The following FAM120B variants were observed in gnomAD, a reference collection of about 807,000 sequenced individuals.
The protein encoded by FAM120B is constitutive coactivator of peroxisome proliferator-activated receptor gamma.
FAM120B carries 83 observed loss-of-function variants against 96.3 expected under a neutral mutation model. The observed-to-expected ratio is 0.86, with a 90% CI of 0.72 to 1.03. The LOEUF is 1.03. FAM120B is among the 50% of genes least tolerant of loss of function. The pLI, the probability that FAM120B is intolerant of heterozygous loss-of-function variation, is 0.00. For synonymous variants in FAM120B, 407 were observed against 402.7 expected (o/e 1.01, Z -0.13); for missense variants, 1,027 against 1,121.2 (o/e 0.92, Z 1.20).
intron 4 of FAM120B, among the ~76,000 whole-genome samples, chr6:170,343,081 C>CGG (rs1786944221): frequency 6.6e-6 from 1 of 152,190 alleles, no homozygotes; most frequent in Admixed American, 6.5e-5. Context: ...AGTTATCACA[C>CGG]CTGAGTTAGC....
At chr6:170,396,983 G>A (rs373889187) in intron 9 of FAM120B, among the ~76,000 whole-genome samples, 2 of 152,246 alleles carry the variant, frequency 1.3e-5, no homozygotes, top group African/African-American at 2.4e-5. Context: ...TGGCTTTCCA[G>A]TTAGCTTCTC....
Position 170,318,223 on chromosome 6 carries a change from A to G in FAM120B, c.833A>G (p.Tyr278Cys). Reference sequence around the variant, plus strand: ...CATATATCGAAAGTTCTTTACTTGTATCAAGGTGAGAAAAAATTAGAAGAG... The same window carrying G: ...CATATATCGAAAGTTCTTTACTTGTGTCAAGGTGAGAAAAAATTAGAAGAG... ...SDHISKVLYL[Y>C]QGEKKLEEIL... The change falls in exon 2 of 11, where the codon TAT becomes TGT. Residue 278 changes from tyrosine to cysteine, a missense_variant. Tyr to Cys is a radical substitution (Grantham distance 194). This residue lies in a region of FAM120B where 880 missense variants were observed against 980.9 expected (regional missense o/e 0.90). Transcript: ENST00000476287. 6.2e-7 allele frequency: 1 copy of G among 1,613,790 alleles called. No homozygotes were observed. The highest frequency in any genetic ancestry group is 1.1e-5 in the South Asian group (1 of 91,004).
At chr6:170,303,933 A>C (rs550267837), upstream of FAM120B, among the ~76,000 whole-genome samples, 1 of 152,240 alleles carries the variant, frequency 6.6e-6, no homozygotes, top group Non-Finnish European at 1.5e-5. Flanking sequence ...ATATTCATCC[A>C]TAACAGGCAT....
At chr6:170,397,763 G>C (rs958646639) in intron 9 of FAM120B, among the ~76,000 whole-genome samples, 1 of 152,178 alleles carries the variant, frequency 6.6e-6, no homozygotes, top group Non-Finnish European at 1.5e-5. Flanking sequence ...TCCGTGACCA[G>C]CCTGGCCGTA....
intron 8 of FAM120B, among the ~76,000 whole-genome samples, chr6:170,393,821 G>C (rs1462453887): frequency 6.6e-6 from 1 of 152,162 alleles, no homozygotes; most frequent in East Asian, 1.9e-4. Flanking sequence ...TCCTGTGTTG[G>C]GGAAGGGCTG....
chr6:170,313,181 A>G (rs931039914), intron 1 of FAM120B, among the ~76,000 whole-genome samples: 3 of 152,232 alleles, frequency 2.0e-5, no homozygotes, highest in African/African-American at 7.2e-5. Flanking sequence ...ATTCATAAAT[A>G]ATAAACCTTC....
In FAM120B at chr6:170,388,292, T is replaced by A. The variant is rs747637344; in HGVS notation, c.2289T>A (p.Asp763Glu). The change falls in exon 7 of 11, where the codon GAT becomes GAA. Residue 763 changes from aspartate to glutamate, a missense_variant. By Grantham distance (45) the Asp-to-Glu change is conservative. Around this residue, in one of 3 missense-constraint regions of FAM120B, gnomAD observed 880 missense variants for 980.9 expected, o/e 0.90. Transcript: ENST00000476287. ...GTGTGTTCTGGTCTCCACAGCCTGA[T>A]TACATCAACCCCAGAGCCGTGCAGC... ...STSQLVNLQPDYINPRAVQLG... is the reference protein window; with the variant it reads ...STSQLVNLQPEYINPRAVQLG... 1.9e-5 allele frequency: 31 copies of A among 1,613,598 alleles called. No individual in the cohort carries two copies. Among genetic ancestry groups the A allele is most frequent in the Non-Finnish European group, 2.5e-5 (29 of 1,179,990 alleles).
intron 4 of FAM120B, among the ~76,000 whole-genome samples, chr6:170,334,249 G>T (rs774026567): frequency 3.9e-5 from 6 of 152,094 alleles, no homozygotes; most frequent in Non-Finnish European, 8.8e-5. Flanking sequence ...TTTTAAAGTG[G>T]TGTTCAACAA....
chr6:170,337,546 A>T (rs1786522919), intron 4 of FAM120B, among the ~76,000 whole-genome samples: 1 of 152,202 alleles, frequency 6.6e-6, no homozygotes, highest in Non-Finnish European at 1.5e-5. Flanking sequence ...TGACCTCATA[A>T]AATGAGTTAG....
intron 4 of FAM120B, among the ~76,000 whole-genome samples, chr6:170,337,966 C>A (rs1786552117): frequency 6.7e-6 from 1 of 150,198 alleles, no homozygotes; most frequent in African/African-American, 2.4e-5. Flanking sequence ...TTAATCTTTT[C>A]AAAAAAAAAC....
chr6:170,319,177 G>GGATTT, intron 2 of FAM120B, 53 bp downstream of exon 2: 1 of 1,479,196 alleles, frequency 6.8e-7, no homozygotes, highest in Admixed American at 2.2e-5. Flanking sequence ...ATCCGCTGAT[G>GGATTT]GATTTGTTAG....
chr6:170,384,890 A>G (rs1006023665), intron 6 of FAM120B, among the ~76,000 whole-genome samples: 8 of 152,238 alleles, frequency 5.3e-5, no homozygotes, highest in African/African-American at 1.7e-4. Context: ...GAGGAAGTCT[A>G]TGGAGCTTTA....
chr6:170,344,327 A>C (rs13212989), intron 4 of FAM120B, among the ~76,000 whole-genome samples: 41 of 129,144 alleles, frequency 3.2e-4, no homozygotes, highest in Admixed American at 3.1e-4. Flanking sequence ...TCCTGAGTAG[A>C]CCCACCTTGG....
chr6:170,307,179 G>A (rs1784341899), intron 1 of FAM120B, among the ~76,000 whole-genome samples: 1 of 152,206 alleles, frequency 6.6e-6, no homozygotes, highest in Admixed American at 6.5e-5. Context: ...CTTAAGATGT[G>A]TGTTTGGCTC....
intron 9 of FAM120B, 139 bp downstream of exon 9, chr6:170,395,718 A>G (rs1790691953): frequency 1.6e-6 from 1 of 630,844 alleles, no homozygotes. Context: ...ATACCAATGC[A>G]TCTAATTTTT....
intron 6 of FAM120B, among the ~76,000 whole-genome samples, chr6:170,383,705 C>T (rs1051027263): frequency 3.9e-5 from 6 of 152,196 alleles, no homozygotes; most frequent in Non-Finnish European, 7.3e-5. Context: ...TGGCTGGTGT[C>T]GGTCACTCTG....
intron 9 of FAM120B, chr6:170,404,188 G>A (rs189580478): frequency 1.3e-3 from 268 of 203,046 alleles, no homozygotes; most frequent in Admixed American, 3.7e-3. Context: ...AGAGCTGCAC[G>A]TGGGCTTTTC....
chr6:170,404,431 G>C, intron 9 of FAM120B, 119 bp from the exon 10 acceptor site: 1 of 817,742 alleles, frequency 1.2e-6, no homozygotes, highest in South Asian at 1.6e-5. Flanking sequence ...AGAGGATAAA[G>C]CTGTGTCCTC....
intron 5 of FAM120B, among the ~76,000 whole-genome samples, chr6:170,356,930 C>G (rs993598810): frequency 6.6e-6 from 1 of 152,066 alleles, no homozygotes; most frequent in Admixed American, 6.6e-5. Flanking sequence ...TAAAAGTGGA[C>G]TAGGATAGTG....
Sources: gnomAD v4.1 joint callset for allele counts (sites outside exome capture counted in the v4.1 genomes callset) on GRCh38, gnomAD v4.1.1 for gene constraint, gnomAD v4.1.1 regional missense constraint, MANE v1.5 for transcripts, NCBI Gene and HGNC (gene_info 2026-07-23, HGNC 2026-07-21) for gene names.